ASB7: variants seen among roughly 807,000 people sequenced by gnomAD.
ASB7 encodes the protein ankyrin repeat and SOCS box containing 7, also known as ankyrin repeat and SOCS box protein 7.
In ASB7, 4 loss-of-function variants were observed where a neutral mutation model predicts 32.5. The observed-to-expected ratio is 0.12, with a 90% CI of 0.06 to 0.28. The LOEUF is 0.28. Ranked by LOEUF, ASB7 falls within the 10% of genes least tolerant of loss-of-function variation. ASB7 has a pLI of 1.00. For missense variants in ASB7, 181 were observed against 407.1 expected (o/e 0.44, Z 4.78); for synonymous variants, 172 against 155.6 (o/e 1.11, Z -0.78).
At chr15:100,612,544 TTCTC>T in intron 4 of ASB7, 117 bp downstream of exon 4, 1 of 901,670 alleles carries the variant, frequency 1.1e-6, no homozygotes, top group East Asian at 2.5e-5. Flanking sequence ...CAACATATTA[TTCTC>T]TCTCCTTTGT....
chr15:100,610,158 A>C (rs2039682281), intron 3 of ASB7, among the ~76,000 whole-genome samples: 1 of 152,192 alleles, frequency 6.6e-6, no homozygotes, highest in African/African-American at 2.4e-5. Flanking sequence ...TAAAATTTCT[A>C]AGAAGGGACA....
chr15:100,644,995 A>G (rs2039988108), intron 5 of ASB7, among the ~76,000 whole-genome samples: 1 of 152,268 alleles, frequency 6.6e-6, no homozygotes, highest in South Asian at 2.1e-4. Flanking sequence ...CAGGCCTTAC[A>G]GAGCAGAGGT....
rs141117813 is a variant in ASB7, at chr15:100,646,217, G to C, written c.818-2106G>C. The stretch of plus-strand genomic sequence containing the variant: ...AACACAAACTGTCTTTTGTCACCCA[G>C]GCCACATCTGTTAACAATATCCATG... On this transcript the variant is annotated intron_variant, in intron 5 of 5. Transcript: ENST00000332783. 15 of 401,458 alleles carry C rather than the reference G, an allele frequency of 3.7e-5. No homozygotes were observed. In the Middle Eastern group the frequency reaches 2.6e-3, roughly 71 times the overall value. The allele number at this position is 401,458 out of a possible 1,614,324, so 24.9% of individuals were successfully genotyped here. A position where few individuals can be genotyped will look rare whatever the true frequency, so the allele number is the denominator to read the frequency against.
At position 100,624,894 on chromosome 15, in the gene ASB7, A is replaced by C. The variant is rs1488744878; in HGVS notation, c.212-4543A>C. Among the ~76,000 whole-genome samples the C allele has an allele frequency of 1.6e-4, 18 of 114,228 alleles. No homozygotes were observed. The Admixed American group carries it at 1.9e-3, about 12-fold the overall frequency. The allele number at this position is 114,228 out of a possible 152,430, so 74.9% of individuals were successfully genotyped here. On this transcript the variant is annotated intron_variant, in intron 4 of 5. Transcript: ENST00000332783. ...AACGAAATATTGGCAAATCCAGTCT[A>C]TTGGTGTATAAAAAAAAATATTATG...
At chr15:100,637,586 A>G (rs367677533) in intron 5 of ASB7, among the ~76,000 whole-genome samples, 2 of 152,222 alleles carry the variant, frequency 1.3e-5, no homozygotes, top group African/African-American at 4.8e-5. Flanking sequence ...GATCCATTTC[A>G]AGTGCAAGGT....
At chr15:100,626,943 G>A (rs990373880) in intron 4 of ASB7, among the ~76,000 whole-genome samples, 38 of 152,188 alleles carry the variant, frequency 2.5e-4, no homozygotes, top group Non-Finnish European at 4.0e-4. Context: ...GTCTGGGAAG[G>A]GCTAAAGAGA....
At chr15:100,626,348 T>C (rs1238050987) in intron 4 of ASB7, among the ~76,000 whole-genome samples, 1 of 152,170 alleles carries the variant, frequency 6.6e-6, no homozygotes, top group East Asian at 1.9e-4. Flanking sequence ...AAACAGTATA[T>C]GAATACGTTC....
chr15:100,627,336 A>G lies in ASB7; in HGVS notation c.212-2101A>G, dbSNP rs183001051. On this transcript the variant is annotated intron_variant, in intron 4 of 5. Transcript: ENST00000332783. The stretch of plus-strand genomic sequence containing the variant: ...TTGATAAAAGGACATTTGAGTGGAT[A>G]CAGAGTGACATGAGTTCACTTAATG... Among the ~76,000 whole-genome samples, 4 of 152,340 alleles carry G rather than the reference A, an allele frequency of 2.6e-5. No individual in the cohort carries two copies. The East Asian group carries it at 7.7e-4, about 29-fold the overall frequency.
Position 100,644,496 on chromosome 15 carries a change from C to T in ASB7, c.818-3827C>T, listed in dbSNP as rs76937693. ...GTTGACCTGAGTGTGTTTTGCAGCA[C>T]GTTGACTGTTTTATACTTTAAGGAC... is the stretch of plus-strand genomic sequence containing the variant. On this transcript the variant is annotated intron_variant, in intron 5 of 5. Transcript: ENST00000332783. 1.8e-4 allele frequency among the ~76,000 whole-genome samples: 28 copies of T among 152,318 alleles called. No individual in the cohort carries two copies. The East Asian group carries it at 5.2e-3, about 28-fold the overall frequency.
At chr15:100,612,449 C>A in intron 4 of ASB7, 22 bp downstream of exon 4, 3 of 1,563,490 alleles carry the variant, frequency 1.9e-6, no homozygotes, top group Non-Finnish European at 2.6e-6. Context: ...AGAAGCAAAT[C>A]TTTTTCCCCA....
At chr15:100,645,601 A>G in intron 5 of ASB7, 1 of 760,750 alleles carries the variant, frequency 1.3e-6, no homozygotes, top group Non-Finnish European at 2.4e-6. Flanking sequence ...AGGATCCTGA[A>G]ATCTGCTGTG....
intron 4 of ASB7, among the ~76,000 whole-genome samples, chr15:100,613,075 C>A (rs1278360828): frequency 6.6e-6 from 1 of 152,204 alleles, no homozygotes; most frequent in African/African-American, 2.4e-5. Context: ...AAACTACTTT[C>A]TCCAGTTGAA....
chr15:100,617,919 C>T (rs763749654), intron 4 of ASB7, among the ~76,000 whole-genome samples: 3 of 151,970 alleles, frequency 2.0e-5, no homozygotes, highest in Admixed American at 1.3e-4. Flanking sequence ...GGAAATGGGC[C>T]GCGTTATGGT....
At chr15:100,642,766 G>A (rs1327035993) in intron 5 of ASB7, among the ~76,000 whole-genome samples, 1 of 152,256 alleles carries the variant, frequency 6.6e-6, no homozygotes, top group African/African-American at 2.4e-5. Flanking sequence ...GCCGGGCGCG[G>A]TGGCTCATGC....
chr15:100,616,875 T>C (rs1331818088), intron 4 of ASB7, among the ~76,000 whole-genome samples: 13 of 152,198 alleles, frequency 8.5e-5, no homozygotes. Context: ...GACCTCTAGA[T>C]CAGTGTAGCC....
At chr15:100,643,287 T>TAGGCC (rs1301014691) in intron 5 of ASB7, among the ~76,000 whole-genome samples, 1 of 152,024 alleles carries the variant, frequency 6.6e-6, no homozygotes, top group Non-Finnish European at 1.5e-5. Flanking sequence ...ACCATTATCA[T>TAGGCC]AGGCCCACCC....
At chr15:100,627,346 A>G (rs990647898) in intron 4 of ASB7, among the ~76,000 whole-genome samples, 3 of 152,248 alleles carry the variant, frequency 2.0e-5, no homozygotes, top group Non-Finnish European at 4.4e-5. Flanking sequence ...ACAGAGTGAC[A>G]TGAGTTCACT....
chr15:100,613,892 C>T (rs963766767), intron 4 of ASB7, among the ~76,000 whole-genome samples: 5 of 152,178 alleles, frequency 3.3e-5, no homozygotes, highest in African/African-American at 4.8e-5. Context: ...GTCCATCTGC[C>T]TCTGTGTGGA....
intron 5 of ASB7, among the ~76,000 whole-genome samples, chr15:100,632,180 C>G (rs1167190283): frequency 1.3e-5 from 2 of 152,224 alleles, no homozygotes; most frequent in Admixed American, 6.5e-5. Flanking sequence ...TCTGTCTGTG[C>G]TTAGGTTCTC....
Sources: allele counts gnomAD v4.1 joint callset (sites outside exome capture counted in the v4.1 genomes callset), GRCh38; gene constraint gnomAD v4.1.1; transcripts MANE v1.5; gene names NCBI Gene and HGNC (gene_info 2026-07-23, HGNC 2026-07-21).